OXNAD1: variants seen among roughly 807,000 people sequenced by gnomAD.
OXNAD1 encodes the protein oxidoreductase NAD binding domain containing 1.
A neutral mutation model predicts 32.9 loss-of-function variants in OXNAD1; 34 were observed. That is an observed-to-expected ratio of 1.03 (90% CI 0.79 to 1.38). The LOEUF (loss-of-function observed/expected upper bound fraction) is 1.38. Ranked by LOEUF, OXNAD1 falls within the 40% of genes most tolerant of loss-of-function variation. The probability of loss-of-function intolerance (pLI) is 0.00; values close to 1 mark genes in which losing one functional copy is unlikely to be tolerated. For synonymous variants in OXNAD1, 134 were observed against 135.2 expected, an observed-to-expected ratio of 0.99 and a Z score of 0.06; for missense variants, 407 against 379.4, an observed-to-expected ratio of 1.07 and a Z score of -0.60.
chr3:16,278,601 A>G (rs986433628), intron 4 of OXNAD1, among the ~76,000 whole-genome samples: 2 of 152,192 alleles, frequency 1.3e-5, no homozygotes, highest in Admixed American at 6.5e-5. Context: ...TTGTTGTCCT[A>G]AGTTTAAAGG....
In OXNAD1 at chr3:16,329,540, GGCACAC is replaced by G. The variant is rs2070086979; in HGVS notation, c.*31-7565_*31-7560del. The stretch of plus-strand genomic sequence containing the variant: ...GACCATCCTTTCTGCCTGGCCTCTG[GGCACAC>G]GCACACCTCCCTTCCAGACCAGCAC... On this transcript the variant is annotated intron_variant, in intron 9 of 9. Coordinates refer to the OXNAD1 transcript ENST00000435829. This position sits in a 1 kb window ranked among gnomAD's most constrained non-coding sequence, Gnocchi z 4.5. Among the ~76,000 whole-genome samples, 1 of 152,060 alleles carries G rather than the reference GGCACAC, an allele frequency of 6.6e-6. No homozygotes were observed. Among genetic ancestry groups the G allele is most frequent in the African/African-American group, 2.4e-5 (1 of 41,386 alleles).
At position 16,345,817 on chromosome 3, in the gene OXNAD1, T is replaced by TGTGTGTGTGTGC. The variant is rs1160939614; in HGVS notation, c.*31-3358_*31-3357insTGTGTGTGTGCG. Among the ~76,000 whole-genome samples the TGTGTGTGTGTGC allele has an allele frequency of 7.6e-4, 57 of 74,616 alleles. No homozygotes were observed. The highest frequency in any genetic ancestry group is 2.9e-3 in the African/African-American group (53 of 18,180). The allele number at this position is 74,616 out of a possible 152,430, so 49.0% of individuals were successfully genotyped here. On this transcript the variant is annotated intron_variant, in intron 9 of 9. Transcript: ENST00000606098. The surrounding 1 kb of genome is among the most constrained non-coding windows in gnomAD (Gnocchi z 5.2). ...GTGTGTGTGTGTGTGTGTGTGTGTG[T>TGTGTGTGTGTGC]GCGCGCGCGCGTGCGCGCACGCGCA...
chr3:16,301,778 CAG>C lies in OXNAD1; in HGVS notation c.590_591del (p.Glu197AlafsTer9). ...TCCTGCGGCACGCAGCAGATCTCCT[CAG>C]AGAGCAGGCAAACAAAAGAAATGGA... The part of the protein sequence containing the change: ...SILRHAADLL[R>X]EQANKRNGYE... On this transcript the variant is annotated frameshift_variant, in exon 7 of 9. Coordinates refer to ENST00000285083, the MANE Select transcript of OXNAD1 (RefSeq NM_138381.5). LOFTEE classifies it high-confidence loss of function. The surrounding 1 kb of genome is among the most constrained non-coding windows in gnomAD (Gnocchi z 4.1). 2 of 1,614,092 alleles carry C rather than the reference CAG, an allele frequency of 1.2e-6. No homozygotes were observed. Among genetic ancestry groups the C allele is most frequent in the Middle Eastern group, 1.6e-4 (1 of 6,062 alleles).
At chr3:16,295,736 A>G (rs958459029) in intron 6 of OXNAD1, among the ~76,000 whole-genome samples, 1 of 151,990 alleles carries the variant, frequency 6.6e-6, no homozygotes, top group Non-Finnish European at 1.5e-5. Context: ...TTTACCAACA[A>G]CCTCCATCCC....
At chr3:16,266,342 A>T (rs2064498131) in intron 1 of OXNAD1, among the ~76,000 whole-genome samples, 1 of 152,218 alleles carries the variant, frequency 6.6e-6, no homozygotes, top group Non-Finnish European at 1.5e-5. Flanking sequence ...AGAAAACATT[A>T]CAATGACTAC....
rs1428741630 is a variant in OXNAD1 at position 16,300,103 on chromosome 3, G to GT, written c.433-1516dup. The stretch of plus-strand genomic sequence containing the variant: ...CAGTCTTTTGACTCCTAGATCAGTG[G>GT]TTTTTTTCCAAACAAGGGATTACCA... On this transcript the variant is annotated intron_variant, in intron 6 of 8. Transcript: ENST00000285083. 2.6e-5 allele frequency among the ~76,000 whole-genome samples: 4 copies of GT among 152,084 alleles called. No individual in the cohort carries two copies. In the East Asian group the frequency reaches 5.8e-4, roughly 22 times the overall value.
chr3:16,278,951 A>G (rs1047774919), intron 4 of OXNAD1, among the ~76,000 whole-genome samples: 8 of 152,184 alleles, frequency 5.3e-5, no homozygotes, highest in Non-Finnish European at 1.0e-4. Context: ...AACTTTTACA[A>G]TTCTCTACTG....
rs915941215 is a variant in OXNAD1, at chr3:16,290,009, G to A, written c.290+3561G>A. On this transcript the variant is annotated intron_variant, in intron 5 of 8. Coordinates refer to ENST00000285083, the MANE Select transcript of OXNAD1 (RefSeq NM_138381.5). The surrounding 1 kb of genome is among the most constrained non-coding windows in gnomAD (Gnocchi z 4.2). Reference sequence around the variant, plus strand: ...GCTCTCTTAGATGTTTGCATTAAGTGAATGAGTGAGGGGCTCTGAGAACTG... The same window carrying A: ...GCTCTCTTAGATGTTTGCATTAAGTAAATGAGTGAGGGGCTCTGAGAACTG... 3.9e-5 allele frequency among the ~76,000 whole-genome samples: 6 copies of A among 152,198 alleles called. No individual in the cohort carries two copies. Among genetic ancestry groups the A allele is most frequent in the African/African-American group, 1.2e-4 (5 of 41,436 alleles).
intron 9 of OXNAD1, among the ~76,000 whole-genome samples, chr3:16,311,740 G>C (rs1346793800): frequency 1.3e-5 from 2 of 152,162 alleles, no homozygotes; most frequent in Non-Finnish European, 2.9e-5. Flanking sequence ...AGCCTCTGCA[G>C]CATCTCTGGG....
chr3:16,292,599 G>A (rs763070222), intron 5 of OXNAD1, among the ~76,000 whole-genome samples: 6 of 152,082 alleles, frequency 3.9e-5, no homozygotes, highest in Non-Finnish European at 5.9e-5. Flanking sequence ...TCATATCTAA[G>A]AAGCCATTGC....
chr3:16,273,158 C>T (rs1224283683), intron 4 of OXNAD1, among the ~76,000 whole-genome samples: 1 of 152,004 alleles, frequency 6.6e-6, no homozygotes, highest in Admixed American at 6.6e-5. Context: ...ATTTTAATAG[C>T]CTGCAGAAAC....
chr3:16,291,769 G>A (rs1398121111), intron 5 of OXNAD1, among the ~76,000 whole-genome samples: 1 of 152,206 alleles, frequency 6.6e-6, no homozygotes, highest in African/African-American at 2.4e-5. Flanking sequence ...GCATGGAATT[G>A]TTGGGTCATA....
At position 16,337,255 on chromosome 3, in the gene OXNAD1, T is replaced by G. The variant is rs1194978578; in HGVS notation, c.*174T>G. The G allele has an allele frequency of 6.6e-6, 1 of 152,238 alleles. No individual in the cohort carries two copies. Among genetic ancestry groups the G allele is most frequent in the African/African-American group, 2.4e-5 (1 of 41,458 alleles). The allele number at this position is 152,238 out of a possible 1,614,324, so 9.4% of individuals were successfully genotyped here. On this transcript the variant is annotated 3_prime_UTR_variant, in exon 10 of 10. Coordinates refer to the OXNAD1 transcript ENST00000435829. The surrounding 1 kb of genome is among the most constrained non-coding windows in gnomAD (Gnocchi z 5.0). ...CCCATCAGCGCCTGCAGGCACATGC[T>G]GAGATTAGTCGATTTCCTAAAAGTT...
Position 16,301,785 on chromosome 3 carries a change from C to A in OXNAD1, c.592C>A (p.Gln198Lys). Residue 198 changes from glutamine to lysine, a missense_variant, in exon 7 of 9, where the codon CAG (glutamine) becomes AAG (lysine). Transcript: ENST00000285083. This position sits in a 1 kb window ranked among gnomAD's most constrained non-coding sequence, Gnocchi z 4.1. ...GCACGCAGCAGATCTCCTCAGAGAG[C>A]AGGCAAACAAAAGAAATGGATATGA... The part of the protein sequence containing the change: ...LRHAADLLRE[Q>K]ANKRNGYEIG... 1 of 1,614,112 alleles carries A rather than the reference C, an allele frequency of 6.2e-7. No homozygotes were observed. Among genetic ancestry groups the A allele is most frequent in the Admixed American group, 1.7e-5 (1 of 60,004 alleles).
chr3:16,333,807 C>G (rs935376960), intron 9 of OXNAD1, among the ~76,000 whole-genome samples: 1 of 152,116 alleles, frequency 6.6e-6, no homozygotes, highest in Non-Finnish European at 1.5e-5. Flanking sequence ...GAAGAGAGAT[C>G]ACAGAAGATT....
In OXNAD1 at chr3:16,312,372, C is replaced by T. The variant is rs1275217040; in HGVS notation, c.*30+8780C>T. 1.3e-5 allele frequency among the ~76,000 whole-genome samples: 2 copies of T among 152,216 alleles called. No individual in the cohort carries two copies. The highest frequency in any genetic ancestry group is 2.1e-4 in the South Asian group (1 of 4,834). Reference sequence around the variant, plus strand: ...CCAGGGGCCCACCCTGCACTACTCACGCAGTTGGCCTCCAGCACTTCCAGC... The same window carrying T: ...CCAGGGGCCCACCCTGCACTACTCATGCAGTTGGCCTCCAGCACTTCCAGC... On this transcript the variant is annotated intron_variant, in intron 9 of 9. Transcript: ENST00000435829. The surrounding 1 kb of genome is among the most constrained non-coding windows in gnomAD (Gnocchi z 4.7).
chr3:16,326,532 T>C (rs2069709842), intron 9 of OXNAD1, among the ~76,000 whole-genome samples: 1 of 152,152 alleles, frequency 6.6e-6, no homozygotes, highest in Non-Finnish European at 1.5e-5. Context: ...TCTTTGACAT[T>C]CTGGGCAGTA....
chr3:16,293,027 A>G (rs1255128875), intron 5 of OXNAD1, among the ~76,000 whole-genome samples: 1 of 152,190 alleles, frequency 6.6e-6, no homozygotes, highest in Non-Finnish European at 1.5e-5. Flanking sequence ...TTCCATATGA[A>G]TTTTATGATC....
At chr3:16,306,601 CT>C (rs1235601133), downstream of OXNAD1, among the ~76,000 whole-genome samples, 6 of 152,114 alleles carry the variant, frequency 3.9e-5, no homozygotes, top group African/African-American at 1.2e-4. Context: ...TACATGGACA[CT>C]TTTTTTCCCC....
Sources: allele counts gnomAD v4.1 joint callset (sites outside exome capture counted in the v4.1 genomes callset), GRCh38; gene constraint gnomAD v4.1.1; non-coding constraint Gnocchi (gnomAD v3.1); transcripts MANE v1.5; gene names NCBI Gene and HGNC (gene_info 2026-07-23, HGNC 2026-07-21).